CHM: variants seen among roughly 807,000 people sequenced by gnomAD.
The protein encoded by CHM is CHM Rab escort protein, also known as rab proteins geranylgeranyltransferase component A 1.
CHM carries 10 observed loss-of-function variants against 49.0 expected under a neutral mutation model. The observed-to-expected ratio is 0.20, with a 90% CI of 0.13 to 0.35. The LOEUF is 0.35. Among genes scored for constraint, CHM ranks in the 10% least tolerant of loss-of-function variants. The probability of loss-of-function intolerance (pLI) is 1.00; values close to 1 mark genes in which losing one functional copy is unlikely to be tolerated. For missense variants in CHM, 455 were observed against 478.4 expected, an observed-to-expected ratio of 0.95 and a Z score of 0.46; for synonymous variants, 184 against 167.5, an observed-to-expected ratio of 1.10 and a Z score of -0.76.
At chrX:85,880,116 G>A (rs766492316) in intron 12 of CHM, among the ~76,000 whole-genome samples, 4 of 110,720 alleles carry the variant, frequency 3.6e-5, no homozygotes, top group African/African-American at 1.3e-4. Context: ...AAATGTTGTA[G>A]GTTTTTCCCT....
At chrX:85,910,281 C>G (rs1926848044) in intron 9 of CHM, among the ~76,000 whole-genome samples, 1 of 111,256 alleles carries the variant, frequency 9.0e-6, no homozygotes, top group South Asian at 3.7e-4. Flanking sequence ...ATGAAAGAAA[C>G]AGCTTAAAAT....
At chrX:85,910,713 A>T (rs1371169284) in intron 9 of CHM, among the ~76,000 whole-genome samples, 1 of 111,364 alleles carries the variant, frequency 9.0e-6, no homozygotes, top group Non-Finnish European at 1.9e-5. Flanking sequence ...AAAACTCATT[A>T]AAGTCTTTTC....
chrX:85,938,333 T>C (rs112349019), intron 8 of CHM, among the ~76,000 whole-genome samples: 4,633 of 111,811 alleles, frequency 0.041, 247 homozygotes, highest in African/African-American at 0.14. Flanking sequence ...GAGGAAATTG[T>C]CTTTAAAATC....
chrX:85,889,000 C>T (rs1257512433), intron 12 of CHM, among the ~76,000 whole-genome samples: 3 of 112,061 alleles, frequency 2.7e-5, no homozygotes, highest in African/African-American at 9.7e-5. Context: ...AAGAATCATA[C>T]ACCAAGGGTA....
intron 8 of CHM, among the ~76,000 whole-genome samples, chrX:85,926,159 G>A (rs1157769584): frequency 1.8e-5 from 2 of 110,424 alleles, no homozygotes; most frequent in Non-Finnish European, 3.8e-5. Context: ...TTGATTCTTG[G>A]CAAAGCCTAC....
At chrX:85,903,948 A>G (rs1453341193) in intron 9 of CHM, among the ~76,000 whole-genome samples, 1 of 111,530 alleles carries the variant, frequency 9.0e-6, no homozygotes, top group Non-Finnish European at 1.9e-5. Flanking sequence ...TGCTCAAATC[A>G]AGACATGTTT....
At chrX:85,968,721 C>T (rs1603265598) in intron 4 of CHM, among the ~76,000 whole-genome samples, 1 of 112,010 alleles carries the variant, frequency 8.9e-6, no homozygotes, top group Non-Finnish European at 1.9e-5. Context: ...TATGTGAGAA[C>T]CTCTTTGAAA....
chrX:85,911,429 C>A, intron 8 of CHM, 91 bp from the exon 9 acceptor site: 2 of 377,405 alleles, frequency 5.3e-6, no homozygotes. Flanking sequence ...CACTTCATAA[C>A]TGGTATTACA....
intron 9 of CHM, among the ~76,000 whole-genome samples, chrX:85,910,403 T>C (rs192662973): frequency 1.8e-5 from 2 of 111,789 alleles, no homozygotes; most frequent in Non-Finnish European, 3.8e-5. Context: ...GTCAGTAGAT[T>C]GTTGAGAACA....
At position 85,938,449 on chromosome X, in the gene CHM, G is replaced by A. The variant is rs1184677672; in HGVS notation, c.1166+17704C>T. Among the ~76,000 whole-genome samples the A allele has an allele frequency of 2.7e-5, 3 of 109,915 alleles. No individual in the cohort carries two copies. The Admixed American group carries it at 2.9e-4, about 11-fold the overall frequency. On this transcript the variant is annotated intron_variant, in intron 8 of 14. Coordinates refer to ENST00000357749, the MANE Select transcript of CHM (RefSeq NM_000390.4). ...TTCAAACAGCAACCTTCAAACTTTT[G>A]GGATAGAAGCTTTTTGTCAATCTAC...
intron 4 of CHM, among the ~76,000 whole-genome samples, chrX:85,965,364 C>T (rs1930521255): frequency 9.0e-6 from 1 of 111,727 alleles, no homozygotes; most frequent in Non-Finnish European, 1.9e-5. Context: ...TGCAGTTTAC[C>T]TTGCATGTAT....
chrX:85,949,981 AT>A (rs1569422877), intron 8 of CHM, among the ~76,000 whole-genome samples: 3,655 of 48,707 alleles, frequency 0.075, 120 homozygotes, highest in Non-Finnish European at 0.09. Flanking sequence ...GAAATTAAAT[AT>A]ATATATATAT....
chrX:85,871,320 A>AAAAAAAAAAAAAAAAAAAAAAAAG (rs1487188345), intron 14 of CHM, among the ~76,000 whole-genome samples: 24 of 102,981 alleles, frequency 2.3e-4, no homozygotes, highest in African/African-American at 8.7e-4. Flanking sequence ...AAAAAAAAAA[A>AAAAAAAAAAAAAAAAAAAAAAAAG]AAGAAGAAAT....
intron 2 of CHM, among the ~76,000 whole-genome samples, chrX:85,990,863 A>G (rs1476156098): frequency 1.8e-5 from 2 of 112,053 alleles, no homozygotes; most frequent in African/African-American, 6.5e-5. Flanking sequence ...TCAGTGTTGA[A>G]TATTCAGCAG....
chrX:85,896,642 G>A (rs1925848597), intron 11 of CHM, among the ~76,000 whole-genome samples: 1 of 107,976 alleles, frequency 9.3e-6, no homozygotes, highest in Non-Finnish European at 1.9e-5. Context: ...GAGTCATCTA[G>A]TGAGTATGCC....
intron 8 of CHM, among the ~76,000 whole-genome samples, chrX:85,951,203 G>A (rs766405669): frequency 9.0e-6 from 1 of 111,688 alleles, no homozygotes; most frequent in Admixed American, 9.5e-5. Flanking sequence ...ATTGCCAAGG[G>A]CAGGGGAGGG....
chrX:85,969,397 A>G (rs1412265728), intron 4 of CHM: 2 of 718,963 alleles, frequency 2.8e-6, no homozygotes, highest in Non-Finnish European at 1.6e-6. Context: ...ACCTTTTTAT[A>G]GTCTGTTCAA....
At chrX:86,029,080 G>C (rs1474744392) in intron 1 of CHM, among the ~76,000 whole-genome samples, 1 of 111,955 alleles carries the variant, frequency 8.9e-6, no homozygotes, top group East Asian at 2.8e-4. Flanking sequence ...TATAATGCTT[G>C]GTTCAAAACA....
At chrX:86,025,279 A>G (rs1164077929) in intron 2 of CHM, among the ~76,000 whole-genome samples, 1 of 112,135 alleles carries the variant, frequency 8.9e-6, no homozygotes, top group Non-Finnish European at 1.9e-5. Flanking sequence ...TGCTTGTCAA[A>G]GTAAGACCTA....
Sources: gnomAD v4.1 joint callset for allele counts (sites outside exome capture counted in the v4.1 genomes callset) on GRCh38, gnomAD v4.1.1 for gene constraint, MANE v1.5 for transcripts, NCBI Gene and HGNC (gene_info 2026-07-23, HGNC 2026-07-21) for gene names.